ANKFN1: variants seen among roughly 807,000 people sequenced by gnomAD.
ANKFN1 encodes ankyrin repeat and fibronectin type III domain containing 1.
Under a neutral mutation model 108.7 loss-of-function variants are expected in ANKFN1, and 74 were observed. The observed-to-expected ratio is 0.68, with a 90% confidence interval of 0.56 to 0.83. The LOEUF (loss-of-function observed/expected upper bound fraction) is 0.83. Among genes scored for constraint, ANKFN1 ranks in the 40% least tolerant of loss-of-function variants. The pLI is 0.00. For missense variants in ANKFN1, 1,505 were observed against 1,382.3 expected (o/e 1.09, Z -1.41); for synonymous variants, 547 against 516.2 (o/e 1.06, Z -0.81).
At chr17:56,276,858 A>G (rs1397880159) in intron 3 of ANKFN1, among the ~76,000 whole-genome samples, 5 of 152,098 alleles carry the variant, frequency 3.3e-5, no homozygotes, top group African/African-American at 4.8e-5. Flanking sequence ...ATGTATTTCA[A>G]TTCATCATAG....
At chr17:56,097,059 C>T (rs893976555) in intron 4 of ANKFN1, among the ~76,000 whole-genome samples, 2 of 152,124 alleles carry the variant, frequency 1.3e-5, no homozygotes, top group Admixed American at 6.5e-5. Context: ...GGGAGCTAAA[C>T]ATTGAGTACA....
At chr17:56,374,817 A>C in intron 8 of ANKFN1, 103 bp downstream of exon 8, 1 of 915,780 alleles carries the variant, frequency 1.1e-6, no homozygotes, top group Non-Finnish European at 1.7e-6. Flanking sequence ...TACTGATAGG[A>C]ATGTTTTTAT....
chr17:56,469,406 T>C (rs959650422), intron 15 of ANKFN1, among the ~76,000 whole-genome samples: 10 of 152,128 alleles, frequency 6.6e-5, no homozygotes, highest in Non-Finnish European at 1.5e-4. Flanking sequence ...AGATAGGTCT[T>C]GGTGGTACCC....
At chr17:56,230,069 C>G (rs1487226012) in intron 3 of ANKFN1, among the ~76,000 whole-genome samples, 1 of 152,082 alleles carries the variant, frequency 6.6e-6, no homozygotes, top group African/African-American at 2.4e-5. Context: ...ACCTAATCAA[C>G]GTTCCATTCA....
intron 1 of ANKFN1, among the ~76,000 whole-genome samples, chr17:56,187,749 G>A (rs1172650127): frequency 6.6e-6 from 1 of 152,140 alleles, no homozygotes; most frequent in African/African-American, 2.4e-5. Context: ...ATACTATGCA[G>A]CCATAAAAAA....
intron 3 of ANKFN1, among the ~76,000 whole-genome samples, chr17:56,240,259 G>A (rs1244234804): frequency 2.6e-5 from 4 of 151,948 alleles, no homozygotes; most frequent in Non-Finnish European, 4.4e-5. Context: ...ATCCGTCATT[G>A]CTTCATAATT....
intron 4 of ANKFN1, among the ~76,000 whole-genome samples, chr17:56,347,599 C>A (rs2046138875): frequency 1.3e-5 from 2 of 151,990 alleles, no homozygotes; most frequent in African/African-American, 4.8e-5. Flanking sequence ...GAGGGTCATG[C>A]ATATTTGTAA....
intron 8 of ANKFN1, among the ~76,000 whole-genome samples, chr17:56,412,703 G>A (rs1442861004): frequency 2.0e-5 from 3 of 152,168 alleles, no homozygotes; most frequent in East Asian, 1.9e-4. Flanking sequence ...CTTTGGCCAC[G>A]AACTGAAGGC....
intron 4 of ANKFN1, among the ~76,000 whole-genome samples, chr17:56,090,356 G>C (rs1271929226): frequency 2.6e-5 from 4 of 151,122 alleles, no homozygotes; most frequent in Non-Finnish European, 5.9e-5. Flanking sequence ...ACTTTGTAAG[G>C]ACTTCTAACC....
intron 2 of ANKFN1, among the ~76,000 whole-genome samples, chr17:56,213,699 GA>G (rs1450919286): frequency 1.3e-5 from 2 of 152,180 alleles, no homozygotes; most frequent in Non-Finnish European, 2.9e-5. Flanking sequence ...AGACTAATAT[GA>G]TCTCTGGTTT....
At chr17:56,128,591 A>C (rs1907080609) in intron 4 of ANKFN1, among the ~76,000 whole-genome samples, 1 of 152,158 alleles carries the variant, frequency 6.6e-6, no homozygotes, top group African/African-American at 2.4e-5. Flanking sequence ...CACTGGTGAG[A>C]CTTTTTATAA....
chr17:56,395,126 C>G (rs2047541493), intron 8 of ANKFN1, among the ~76,000 whole-genome samples: 1 of 152,102 alleles, frequency 6.6e-6, no homozygotes, highest in African/African-American at 2.4e-5. Flanking sequence ...CTTATATCAG[C>G]TAGGGTTCCA....
intron 13 of ANKFN1, 129 bp downstream of exon 13, chr17:56,457,518 C>G (rs2049749987): frequency 2.9e-6 from 3 of 1,022,252 alleles, no homozygotes; most frequent in South Asian, 1.7e-5. Flanking sequence ...TCTCCAAGGT[C>G]CTTTTCAGCC....
chr17:56,485,551 A>T (rs968491832), intron 18 of ANKFN1, among the ~76,000 whole-genome samples: 3 of 152,240 alleles, frequency 2.0e-5, no homozygotes, highest in African/African-American at 7.2e-5. Context: ...TTTTACTTTA[A>T]GTATGTTGGA....
intron 1 of ANKFN1, among the ~76,000 whole-genome samples, chr17:56,164,512 G>A (rs905887226): frequency 6.6e-6 from 1 of 152,140 alleles, no homozygotes; most frequent in African/African-American, 2.4e-5. Flanking sequence ...GCTGGCACAT[G>A]ATTAATGTTT....
At chr17:56,188,208 C>T (rs1004307213) in intron 1 of ANKFN1, among the ~76,000 whole-genome samples, 3 of 152,018 alleles carry the variant, frequency 2.0e-5, no homozygotes, top group African/African-American at 4.8e-5. Context: ...TAATGAGGAG[C>T]TGGTGGGTTA....
At chr17:56,218,694 A>G (rs977031064) in intron 2 of ANKFN1, among the ~76,000 whole-genome samples, 1 of 152,004 alleles carries the variant, frequency 6.6e-6, no homozygotes, top group Non-Finnish European at 1.5e-5. Flanking sequence ...ATCCTTCACC[A>G]TGTGTTTCCC....
chr17:56,129,010 T>G (rs1006458364), intron 4 of ANKFN1, among the ~76,000 whole-genome samples: 2 of 152,278 alleles, frequency 1.3e-5, no homozygotes, highest in African/African-American at 4.8e-5. Flanking sequence ...AAATATACAT[T>G]TTAGCTGTGA....
Position 56,220,788 on chromosome 17 carries a change from AAGGGAGGAAGGGAGGGAGGG to A in ANKFN1, c.13-7125_13-7106del, listed in dbSNP as rs1158214555. On this transcript the variant is annotated intron_variant, in intron 2 of 20. Coordinates refer to ENST00000682825, the MANE Select transcript of ANKFN1 (RefSeq NM_001370326.1). ...GGAGGGAGGGAGGAAGTCAGGAAGG[AAGGGAGGAAGGGAGGGAGGG>A]AGGAAGGAAGGAAGGAAGGAAGGGA... 6.5e-3 allele frequency among the ~76,000 whole-genome samples: 792 copies of A among 122,156 alleles called. 18 individuals carry two copies. Among genetic ancestry groups the A allele is most frequent in the African/African-American group, 0.024 (733 of 30,398 alleles). The allele number at this position is 122,156 out of a possible 152,430, so 80.1% of individuals were successfully genotyped here.
Sources: allele counts gnomAD v4.1 joint callset (sites outside exome capture counted in the v4.1 genomes callset), GRCh38; gene constraint gnomAD v4.1.1; transcripts MANE v1.5; gene names NCBI Gene and HGNC (gene_info 2026-07-23, HGNC 2026-07-21).